Variants in NCKAP5 observed in about 807,000 individuals in gnomAD.
NCKAP5 encodes the protein NCK associated protein 5, also known as nck-associated protein 5.
Under a neutral mutation model 167.0 loss-of-function variants are expected in NCKAP5, and 92 were observed. The ratio of observed to expected loss-of-function variants is 0.55; its 90% CI spans 0.47 to 0.66. NCKAP5 has a LOEUF of 0.66. Among genes scored for constraint, NCKAP5 ranks in the 30% least tolerant of loss-of-function variants. The pLI is 0.00. For synonymous variants in NCKAP5, 891 were observed against 877.4 expected, an observed-to-expected ratio of 1.02 and a Z score of -0.27; for missense variants, 2,378 against 2,315.0, an observed-to-expected ratio of 1.03 and a Z score of -0.56.
the NCKAP5 span, among the ~76,000 whole-genome samples, chr2:133,588,821 A>G: frequency 6.6e-6 from 1 of 152,142 alleles, no homozygotes; most frequent in Non-Finnish European, 1.5e-5. Context: ...GAGGAAGCAA[A>G]CCATGAGACT....
intron 5 of NCKAP5, among the ~76,000 whole-genome samples, chr2:133,148,967 T>G (rs1356502722): frequency 1.3e-5 from 2 of 152,138 alleles, no homozygotes; most frequent in Non-Finnish European, 2.9e-5. Context: ...AAATACCTAG[T>G]TTCCCTGTTA....
chr2:132,720,291 A>C (rs1454472030), intron 19 of NCKAP5, among the ~76,000 whole-genome samples: 1 of 152,202 alleles, frequency 6.6e-6, no homozygotes, highest in African/African-American at 2.4e-5. Context: ...CCACTGGGCC[A>C]CCTATCCAGC....
intron 8 of NCKAP5, among the ~76,000 whole-genome samples, chr2:132,933,193 G>A (rs559604894): frequency 6.6e-6 from 1 of 152,154 alleles, no homozygotes. Context: ...CCAAAGTGCT[G>A]GGATTATCCT....
rs76779767 is a variant in NCKAP5, at chr2:133,085,395, A to G, written c.341+44583T>C. ...AAAAATAAAATAAAGAAACTTCATA[A>G]TAAGTATGGCAATTTTTTAAACAGT... On this transcript the variant is annotated intron_variant, in intron 6 of 19. Coordinates refer to ENST00000409261, the MANE Select transcript of NCKAP5 (RefSeq NM_207363.3). 3.4e-3 allele frequency among the ~76,000 whole-genome samples: 516 copies of G among 152,322 alleles called. 4 individuals are homozygous for G. The highest frequency in any genetic ancestry group is 0.012 in the African/African-American group (490 of 41,568).
rs80165342 is a variant in NCKAP5, at chr2:132,677,773, G to C, written c.5714-4468C>G. Among the ~76,000 whole-genome samples the C allele has an allele frequency of 2.0e-5, 3 of 152,090 alleles. No homozygotes were observed. In the East Asian group the frequency reaches 5.8e-4, roughly 29 times the overall value. On this transcript the variant is annotated intron_variant, in intron 19 of 19. Coordinates refer to ENST00000409261, the MANE Select transcript of NCKAP5 (RefSeq NM_207363.3). The stretch of plus-strand genomic sequence containing the variant: ...CAAGAGGTTCTAGGAAACTCAACCA[G>C]ACTCATGAAAGTATCAGCCCGTACA...
chr2:133,273,978 A>C (rs2089625624), intron 4 of NCKAP5, among the ~76,000 whole-genome samples: 1 of 151,372 alleles, frequency 6.6e-6, no homozygotes, highest in Non-Finnish European at 1.5e-5. Flanking sequence ...TCTACCAAAA[A>C]AAAAAAAAAA....
intron 18 of NCKAP5, among the ~76,000 whole-genome samples, chr2:132,727,174 T>C (rs1390987330): frequency 6.6e-6 from 1 of 152,186 alleles, no homozygotes; most frequent in African/African-American, 2.4e-5. Context: ...ATGTATGTCT[T>C]ATGTGAGGAG....
In NCKAP5 at chr2:132,796,640, A is replaced by T. The variant is rs1241964419; in HGVS notation, c.897T>A (p.Asp299Glu). 1 of 1,611,832 alleles carries T rather than the reference A, an allele frequency of 6.2e-7. No homozygotes were observed. The highest frequency in any genetic ancestry group is 1.3e-5 in the African/African-American group (1 of 74,918). Residue 299 changes from aspartate (D) to glutamate (E), a missense_variant, in exon 12 of 20, where the codon GAT (aspartate) becomes GAA (glutamate). Asp to Glu is a conservative substitution (Grantham distance 45, BLOSUM62 2). Transcript: ENST00000409261. ...RNRSLTQSRT[D>E]AEVHEHQLNT... ...CTGGGAAACTCACGTGCACCTCAGCATCAGTTCGTGACTGTGTCAGACTTC... is the reference window on the plus strand; with the variant it reads ...CTGGGAAACTCACGTGCACCTCAGCTTCAGTTCGTGACTGTGTCAGACTTC...
At chr2:132,874,835 CA>C (rs1489215967) in intron 9 of NCKAP5, among the ~76,000 whole-genome samples, 1 of 152,182 alleles carries the variant, frequency 6.6e-6, no homozygotes, top group Non-Finnish European at 1.5e-5. Flanking sequence ...TAGCAACCAC[CA>C]CACATCTTTC....
At chr2:132,744,599 A>T (rs1679485560) in intron 16 of NCKAP5, among the ~76,000 whole-genome samples, 1 of 151,170 alleles carries the variant, frequency 6.6e-6, no homozygotes, top group Non-Finnish European at 1.5e-5. Flanking sequence ...TAAACTAAGC[A>T]GAAGACATAA....
chr2:132,970,601 C>A (rs2076802278), intron 7 of NCKAP5, among the ~76,000 whole-genome samples: 1 of 152,136 alleles, frequency 6.6e-6, no homozygotes, highest in African/African-American at 2.4e-5. Context: ...GATTTAGGAG[C>A]TCAGTTTGCA....
intron 4 of NCKAP5, among the ~76,000 whole-genome samples, chr2:133,223,821 C>T (rs1249865424): frequency 6.6e-6 from 1 of 152,112 alleles, no homozygotes; most frequent in African/African-American, 2.4e-5. Context: ...CTCAACAGGA[C>T]TGGCATGTAA....
At chr2:133,655,506 A>T in the NCKAP5 span, among the ~76,000 whole-genome samples, 2 of 151,994 alleles carry the variant, frequency 1.3e-5, no homozygotes, top group Non-Finnish European at 2.9e-5. Flanking sequence ...TACCTTAGAC[A>T]CCCACTGAGA....
intron 5 of NCKAP5, among the ~76,000 whole-genome samples, chr2:133,163,254 A>G (rs2083870977): frequency 6.6e-6 from 1 of 152,190 alleles, no homozygotes; most frequent in African/African-American, 2.4e-5. Flanking sequence ...GGCCCCATAC[A>G]CACTGGTGTT....
At chr2:133,496,086 C>T (rs1408289460) in intron 3 of NCKAP5, among the ~76,000 whole-genome samples, 1 of 152,130 alleles carries the variant, frequency 6.6e-6, no homozygotes, top group African/African-American at 2.4e-5. Context: ...AACTTTTTGA[C>T]ATTATTTACA....
At chr2:133,658,611 G>A in the NCKAP5 span, among the ~76,000 whole-genome samples, 3 of 152,144 alleles carry the variant, frequency 2.0e-5, no homozygotes, top group African/African-American at 7.2e-5. Context: ...ACTCTCATCT[G>A]TTTCCGTATC....
intron 3 of NCKAP5, among the ~76,000 whole-genome samples, chr2:133,376,769 C>G (rs778046504): frequency 2.6e-5 from 4 of 152,170 alleles, no homozygotes; most frequent in African/African-American, 9.7e-5. Context: ...CACACTGGGA[C>G]TAGAAATATG....
chr2:133,255,714 G>C (rs1399880724), intron 4 of NCKAP5, among the ~76,000 whole-genome samples: 1 of 152,192 alleles, frequency 6.6e-6, no homozygotes, highest in Non-Finnish European at 1.5e-5. Flanking sequence ...GCCAACCATT[G>C]CTTAGAATCC....
intron 8 of NCKAP5, among the ~76,000 whole-genome samples, chr2:132,937,853 C>T (rs2149087079): frequency 6.6e-6 from 1 of 152,320 alleles, no homozygotes; most frequent in Admixed American, 6.5e-5. Flanking sequence ...GGGAGGAAAA[C>T]AGCGAGAGGA....
Sources: gnomAD v4.1 joint callset for allele counts (sites outside exome capture counted in the v4.1 genomes callset) on GRCh38, gnomAD v4.1.1 for gene constraint, MANE v1.5 for transcripts, NCBI Gene and HGNC (gene_info 2026-07-23, HGNC 2026-07-21) for gene names.